Variants in ATP1A4 observed in about 807,000 individuals in gnomAD.
ATP1A4 encodes the protein ATPase Na+/K+ transporting subunit alpha 4, also known as sodium/potassium-transporting ATPase subunit alpha-4.
ATP1A4 carries 90 observed loss-of-function variants against 114.3 expected under a neutral mutation model. That is an observed-to-expected ratio of 0.79 (90% CI 0.66 to 0.94). The LOEUF is 0.94. Ranked by LOEUF, ATP1A4 falls within the 40% of genes least tolerant of loss-of-function variation. The probability of loss-of-function intolerance (pLI) is 0.00; values close to 1 mark genes in which losing one functional copy is unlikely to be tolerated. For missense variants in ATP1A4, 1,222 were observed against 1,313.6 expected (o/e 0.93, Z 1.08); for synonymous variants, 511 against 494.1 (o/e 1.03, Z -0.45).
At chr1:160,182,267 C>T (rs1935306) in intron 20 of ATP1A4, among the ~76,000 whole-genome samples, 84,407 of 152,050 alleles carry the variant, frequency 0.56, 23,788 homozygotes, top group East Asian at 0.78. Flanking sequence ...ATTTAGCAGA[C>T]TTACCAGTGT....
intron 14 of ATP1A4, 77 bp from the exon 15 acceptor site, chr1:160,174,502 A>C: frequency 6.4e-7 from 1 of 1,557,452 alleles, no homozygotes; most frequent in Non-Finnish European, 8.7e-7. Flanking sequence ...AGGGATGCAG[A>C]AAGCGTACTG....
In ATP1A4 at chr1:160,159,464, T is replaced by A; in HGVS notation, c.716T>A (p.Phe239Tyr). 1 of 1,614,052 alleles carries A rather than the reference T, an allele frequency of 6.2e-7. No homozygotes were observed. The highest frequency in any genetic ancestry group is 8.5e-7 in the Non-Finnish European group (1 of 1,179,956). ...ESEPQSRSPDFTHENPLETRN... is the reference protein window; with the variant it reads ...ESEPQSRSPDYTHENPLETRN... ...GAACCCCAGAGCCGCTCCCCTGACT[T>A]CACCCATGAGAACCCTCTGGAGACC... The change falls in exon 6 of 22, where the codon TTC (phenylalanine) becomes TAC (tyrosine). Residue 239 changes from phenylalanine to tyrosine, a missense_variant. By Grantham distance (22) the Phe-to-Tyr change is conservative. Coordinates refer to ENST00000368081, the MANE Select transcript of ATP1A4 (RefSeq NM_144699.4).
chr1:160,171,386 G>A lies in ATP1A4; in HGVS notation c.1627G>A (p.Glu543Lys), dbSNP rs1224261381. Residue 543 changes from glutamate (E) to lysine (K), a missense_variant, in exon 11 of 22, where the codon GAA (glutamate) becomes AAA (lysine). Glu to Lys is a moderately conservative substitution (Grantham distance 56, BLOSUM62 1). Coordinates refer to ENST00000368081, the MANE Select transcript of ATP1A4 (RefSeq NM_144699.4). ...GTACTCAATGAACGATGAAATGAAG[G>A]AAGCCTTCCAAAATGCCTACTTAGA... ...QEYSMNDEMK[E>K]AFQNAYLELG... 4 of 1,614,182 alleles carry A rather than the reference G, an allele frequency of 2.5e-6. No individual in the cohort carries two copies. The highest frequency in any genetic ancestry group is 2.2e-5 in the South Asian group (2 of 91,086).
intron 7 of ATP1A4, 95 bp from the exon 8 acceptor site, chr1:160,166,433 C>A (rs1235222088): frequency 2.7e-6 from 4 of 1,463,714 alleles, no homozygotes; most frequent in African/African-American, 1.4e-5. Flanking sequence ...TACAAAAAAT[C>A]AAAATAGCAT....
chr1:160,171,217 C>T, intron 10 of ATP1A4, 34 bp from the exon 11 acceptor site: 1 of 1,585,436 alleles, frequency 6.3e-7, no homozygotes, highest in Non-Finnish European at 8.6e-7. Context: ...GGTCTCTCCT[C>T]CTGTCCCATC....
chr1:160,171,223 C>G, intron 10 of ATP1A4, 28 bp from the exon 11 acceptor site: 1 of 1,591,694 alleles, frequency 6.3e-7, no homozygotes, highest in Non-Finnish European at 8.6e-7. Context: ...TCCTCCTGTC[C>G]CATCAGTGCT....
rs1653364925 is a variant in ATP1A4 at position 160,174,137 on chromosome 1, G to A, written c.2018G>A (p.Gly673Asp). Residue 673 changes from glycine (G) to aspartate (D), a missense_variant, in exon 14 of 22, where the codon GGT (glycine) becomes GAT (aspartate). Physicochemically the swap from Gly to Asp is moderately conservative, Grantham distance 94 (BLOSUM62 -1). Transcript: ENST00000368081. Reference protein sequence around the residue: ...ASAAKAIVVHGAELKDIQSKQ... With the variant: ...ASAAKAIVVHDAELKDIQSKQ... ...GCTGCCAAAGCCATTGTGGTGCATG[G>A]TGCAGAACTGAAGGACATACAGTCC... is the stretch of plus-strand genomic sequence containing the variant. 13 of 1,614,104 alleles carry A rather than the reference G, an allele frequency of 8.1e-6. No individual in the cohort carries two copies. The South Asian group carries it at 1.1e-4, about 14-fold the overall frequency.
At position 160,164,325 on chromosome 1, in the gene ATP1A4, G is replaced by C. The variant is rs143414772; in HGVS notation, c.948G>C (p.Ala316=). 1 of 1,613,968 alleles carries C rather than the reference G, an allele frequency of 6.2e-7. No individual in the cohort carries two copies. The highest frequency in any genetic ancestry group is 8.5e-7 in the Non-Finnish European group (1 of 1,179,962). ...VAVFLGVTFF[A]LSLLLGYGWL... Reference sequence around the variant, plus strand: ...TCTTCCTTGGTGTCACTTTTTTTGCGCTCTCACTTCTCTTGGGCTATGGTT... The same window carrying C: ...TCTTCCTTGGTGTCACTTTTTTTGCCCTCTCACTTCTCTTGGGCTATGGTT... Residue 316 remains alanine, a synonymous_variant, in exon 7 of 22, where the codon GCG becomes GCC. Coordinates refer to ENST00000368081, the MANE Select transcript of ATP1A4 (RefSeq NM_144699.4).
At chr1:160,174,460 C>A in intron 14 of ATP1A4, 119 bp from the exon 15 acceptor site, 1 of 1,474,022 alleles carries the variant, frequency 6.8e-7, no homozygotes, top group Non-Finnish European at 9.1e-7. Flanking sequence ...AGGACGGGAG[C>A]CCTAAATCAA....
intron 9 of ATP1A4, 92 bp from the exon 10 acceptor site, chr1:160,167,186 C>G: frequency 1.3e-6 from 2 of 1,543,786 alleles, no homozygotes; most frequent in Non-Finnish European, 1.8e-6. Flanking sequence ...TACCCGCCCT[C>G]CCCATTTGTC....
chr1:160,171,149 G>T, intron 10 of ATP1A4, 102 bp from the exon 11 acceptor site: 1 of 1,079,116 alleles, frequency 9.3e-7, no homozygotes, highest in Non-Finnish European at 1.3e-6. Context: ...AGAAATGGGG[G>T]TATGAAACAC....
intron 10 of ATP1A4, among the ~76,000 whole-genome samples, chr1:160,169,467 T>C (rs1773770): frequency 0.99 from 150,495 of 152,350 alleles, 74,360 homozygotes; most frequent in Middle Eastern, 1. Context: ...CTCTTTAAAC[T>C]TTTTCCAGCT....
At position 160,166,945 on chromosome 1, in the gene ATP1A4, ATTC is replaced by A. The variant is rs1270507249; in HGVS notation, c.1247-17_1247-15del. 2 of 1,609,762 alleles carry A rather than the reference ATTC, an allele frequency of 1.2e-6. No individual in the cohort carries two copies. The highest frequency in any genetic ancestry group is 1.3e-5 in the African/African-American group (1 of 74,932). On this transcript the variant is annotated intron_variant, in intron 8 of 21. Coordinates refer to ENST00000368081, the MANE Select transcript of ATP1A4 (RefSeq NM_144699.4). The stretch of plus-strand genomic sequence containing the variant: ...TTAAAATTCTCATTCCCTGCTCACA[ATTC>A]TTCTTTTCTTTCTCCCTAGGAAAAA...
At position 160,151,741 on chromosome 1, in the gene ATP1A4, T is replaced by C; in HGVS notation, c.-300T>C. The stretch of plus-strand genomic sequence containing the variant: ...TGCCCTCACTGCATTCCCTCACCTC[T>C]ACCTTTTTATCCTTCCACCCTAGGC... On this transcript the variant is annotated 5_prime_UTR_variant, in exon 1 of 22. Transcript: ENST00000368081. 3.4e-6 allele frequency: 1 copy of C among 292,770 alleles called. No individual in the cohort carries two copies. Among genetic ancestry groups the C allele is most frequent in the Admixed American group, 4.6e-5 (1 of 21,876 alleles). 18.1% of individuals were successfully genotyped at this position (292,770 alleles called of 1,614,324 possible).
intron 10 of ATP1A4, chr1:160,169,676 A>G (rs1653171106): frequency 6.6e-6 from 1 of 152,134 alleles, no homozygotes; most frequent in African/African-American, 2.4e-5. Flanking sequence ...TCAACAGGCG[A>G]CCTAGCGGGC....
intron 4 of ATP1A4, among the ~76,000 whole-genome samples, chr1:160,157,028 C>T (rs769725586): frequency 1.9e-4 from 29 of 152,072 alleles, no homozygotes; most frequent in African/African-American, 5.8e-4. Context: ...TGCTTGAGCA[C>T]GGAAGGCAGA....
chr1:160,181,595 A>G, intron 18 of ATP1A4, 89 bp from the exon 19 acceptor site: 1 of 1,434,832 alleles, frequency 7.0e-7, no homozygotes, highest in East Asian at 2.3e-5. Flanking sequence ...GACTCAGCCC[A>G]GGGGTCCTGG....
At chr1:160,184,336 A>C (rs1401581810) in intron 20 of ATP1A4, among the ~76,000 whole-genome samples, 1 of 152,130 alleles carries the variant, frequency 6.6e-6, no homozygotes, top group African/African-American at 2.4e-5. Flanking sequence ...GCTTAAGGCC[A>C]GGAGTTCAAG....
chr1:160,156,974 C>T (rs776899645), intron 4 of ATP1A4, among the ~76,000 whole-genome samples: 1 of 152,104 alleles, frequency 6.6e-6, no homozygotes, highest in South Asian at 2.1e-4. Context: ...ATTAGCTGAG[C>T]GTGCCTGTAG....
Sources: gnomAD v4.1 joint callset for allele counts (sites outside exome capture counted in the v4.1 genomes callset) on GRCh38, gnomAD v4.1.1 for gene constraint, MANE v1.5 for transcripts, NCBI Gene and HGNC (gene_info 2026-07-23, HGNC 2026-07-21) for gene names.